Variants in GRB10 observed in about 807,000 individuals in gnomAD.
The protein encoded by GRB10 is growth factor receptor-bound protein 10.
In GRB10, 20 loss-of-function variants were observed where a neutral mutation model predicts 80.9. That is an observed-to-expected ratio of 0.25 (90% confidence interval 0.17 to 0.36). The LOEUF is 0.36. Ranked by LOEUF, GRB10 falls within the 10% of genes least tolerant of loss-of-function variation. GRB10 has a pLI of 1.00. For missense variants in GRB10, 548 were observed against 747.7 expected (o/e 0.73, Z 3.12); for synonymous variants, 291 against 291.5 (o/e 1.00, Z 0.02).
At chr7:50,706,506 G>A (rs76615871) in intron 4 of GRB10, among the ~76,000 whole-genome samples, 1,786 of 152,262 alleles carry the variant, frequency 0.012, 13 homozygotes, top group Middle Eastern at 0.054. Flanking sequence ...CCTTCTACCC[G>A]GAGTGGAGGC....
At chr7:50,768,775 A>T (rs915782441) in intron 2 of GRB10, among the ~76,000 whole-genome samples, 1 of 152,200 alleles carries the variant, frequency 6.6e-6, no homozygotes, top group Non-Finnish European at 1.5e-5. Context: ...ATTCTGGAGG[A>T]GCTTGTTCAC....
intron 17 of GRB10, among the ~76,000 whole-genome samples, chr7:50,598,336 G>T (rs7777754): frequency 0.29 from 44,492 of 152,064 alleles, 6,706 homozygotes; most frequent in East Asian, 0.48. Flanking sequence ...AGATGCCCAG[G>T]GAGAAGCTAA....
intron 6 of GRB10, among the ~76,000 whole-genome samples, chr7:50,671,318 G>A (rs1036978360): frequency 3.3e-5 from 5 of 152,116 alleles, no homozygotes; most frequent in African/African-American, 9.7e-5. Context: ...CAATTTTTAC[G>A]ATTTCACAAA....
rs1296101860 is a variant in GRB10, at chr7:50,591,503, C to T, written c.*1449G>A. On this transcript the variant is annotated 3_prime_UTR_variant, in exon 19 of 19. Transcript: ENST00000401949. ...CTCACCACAGTAGTTTGTCGCCTGT[C>T]AAAGGAGTCCTTTCTGCTTTACAGG... The T allele has an allele frequency of 6.6e-6, 1 of 151,996 alleles. No individual in the cohort carries two copies. The highest frequency in any genetic ancestry group is 6.5e-5 in the Admixed American group (1 of 15,280). 9.4% of individuals were successfully genotyped at this position (151,996 alleles called of 1,614,324 possible). A position where few individuals can be genotyped will look rare whatever the true frequency, so the allele number is the denominator to read the frequency against.
At chr7:50,777,668 A>G (rs1445102928) in intron 2 of GRB10, among the ~76,000 whole-genome samples, 1 of 152,126 alleles carries the variant, frequency 6.6e-6, no homozygotes, top group East Asian at 1.9e-4. Flanking sequence ...ACCAACCCAA[A>G]TGCCCATTAA....
intron 5 of GRB10, among the ~76,000 whole-genome samples, chr7:50,688,713 A>G (rs2062405219): frequency 6.6e-6 from 1 of 151,746 alleles, no homozygotes; most frequent in African/African-American, 2.4e-5. Flanking sequence ...TAAAAAAAAA[A>G]AATCTGACAA....
chr7:50,747,309 G>A lies in GRB10; in HGVS notation c.-47+8578C>T, dbSNP rs960649412. Among the ~76,000 whole-genome samples the A allele has an allele frequency of 4.6e-5, 7 of 152,272 alleles. No individual in the cohort carries two copies. In the Middle Eastern group the frequency reaches 0.01, roughly 222 times the overall value. ...TCCTGCTTTTGAGGAGGAAACCCGC[G>A]AAGCAGAGCAGGTCCCCACCGTTCC... is the stretch of plus-strand genomic sequence containing the variant. On this transcript the variant is annotated intron_variant, in intron 3 of 18. Transcript: ENST00000401949.
At chr7:50,653,386 G>C (rs1269938499) in intron 7 of GRB10, among the ~76,000 whole-genome samples, 1 of 152,220 alleles carries the variant, frequency 6.6e-6, no homozygotes, top group East Asian at 1.9e-4. Context: ...ACAGCCTCCA[G>C]ACGCTATTGC....
intron 8 of GRB10, among the ~76,000 whole-genome samples, chr7:50,625,598 C>T (rs1404259925): frequency 1.3e-5 from 2 of 152,170 alleles, no homozygotes; most frequent in Non-Finnish European, 2.9e-5. Context: ...ATCATGGTCA[C>T]TAACTGTGGA....
chr7:50,761,578 C>G (rs944263899), intron 2 of GRB10: 1 of 152,160 alleles, frequency 6.6e-6, no homozygotes, highest in African/African-American at 2.4e-5. Flanking sequence ...AACATTAGGG[C>G]CGGAAAGCTC....
At chr7:50,606,724 T>C (rs558170294) in intron 13 of GRB10, 3 of 360,806 alleles carry the variant, frequency 8.3e-6, no homozygotes, top group African/African-American at 6.2e-5. Flanking sequence ...ATATGTATTC[T>C]ACACCATATT....
chr7:50,690,739 C>G (rs1289761726), intron 5 of GRB10, among the ~76,000 whole-genome samples: 1 of 152,190 alleles, frequency 6.6e-6, no homozygotes, highest in Non-Finnish European at 1.5e-5. Flanking sequence ...AGCAAACACA[C>G]CAGGGGAACA....
At chr7:50,682,296 T>C (rs1310034265) in intron 5 of GRB10, among the ~76,000 whole-genome samples, 1 of 152,228 alleles carries the variant, frequency 6.6e-6, no homozygotes, top group Non-Finnish European at 1.5e-5. Context: ...GGTGGCAGCC[T>C]GCCTTGGCAT....
In GRB10 at chr7:50,695,554, A is replaced by G. The variant is rs557057098; in HGVS notation, c.139+8267T>C. On this transcript the variant is annotated intron_variant, in intron 5 of 18. Transcript: ENST00000401949. ...ATGATTGATGTCCACTGGGCTAATG[A>G]GGTGTAATGCTATTTGCTCCTAGGT... 2.2e-3 allele frequency among the ~76,000 whole-genome samples: 331 copies of G among 152,256 alleles called. 1 individual carries two copies. The highest frequency in any genetic ancestry group is 7.7e-3 in the African/African-American group (318 of 41,542).
intron 7 of GRB10, among the ~76,000 whole-genome samples, chr7:50,654,170 G>A (rs2058358886): frequency 6.6e-6 from 1 of 152,222 alleles, no homozygotes; most frequent in African/African-American, 2.4e-5. Context: ...AAAGAAGGAA[G>A]GAAGCAGCAG....
At chr7:50,678,795 G>A (rs1300230480) in intron 5 of GRB10, among the ~76,000 whole-genome samples, 1 of 152,176 alleles carries the variant, frequency 6.6e-6, no homozygotes, top group African/African-American at 2.4e-5. Context: ...CTCTGTGGGT[G>A]TGGTCAACTG....
At position 50,789,320 on chromosome 7, in the gene GRB10, G is replaced by A. The variant is rs544471302; in HGVS notation, c.-294+3904C>T. Reference sequence around the variant, plus strand: ...AAACTGCTCTAAGACAAGGCTGACGGCAAAGTGCCTACAGACATCGCCACA... The same window carrying A: ...AAACTGCTCTAAGACAAGGCTGACGACAAAGTGCCTACAGACATCGCCACA... On this transcript the variant is annotated intron_variant, in intron 1 of 16. Transcript: ENST00000335866. 4.9e-4 allele frequency among the ~76,000 whole-genome samples: 74 copies of A among 152,304 alleles called. 1 individual carries two copies. Among genetic ancestry groups the A allele is most frequent in the Non-Finnish European group, 7.6e-4 (52 of 68,034 alleles).
chr7:50,616,593 T>C (rs968410412), intron 10 of GRB10, among the ~76,000 whole-genome samples: 1 of 152,216 alleles, frequency 6.6e-6, no homozygotes, highest in Non-Finnish European at 1.5e-5. Context: ...GAGTCATGAA[T>C]TTCCCTATAA....
intron 7 of GRB10, among the ~76,000 whole-genome samples, chr7:50,642,297 C>CAT (rs34261527): frequency 6.6e-6 from 1 of 151,704 alleles, no homozygotes; most frequent in Non-Finnish European, 1.5e-5. Context: ...CACACACACA[C>CAT]GCATGCACAC....
Sources: gnomAD v4.1 joint callset for allele counts (sites outside exome capture counted in the v4.1 genomes callset) on GRCh38, gnomAD v4.1.1 for gene constraint, MANE v1.5 for transcripts, NCBI Gene and HGNC (gene_info 2026-07-23, HGNC 2026-07-21) for gene names.